GOLGA4: variants seen among roughly 807,000 people sequenced by gnomAD.
GOLGA4 encodes golgin A4, also known as golgin subfamily A member 4.
A neutral mutation model predicts 265.9 loss-of-function variants in GOLGA4; 169 were observed. The observed-to-expected ratio is 0.64, with a 90% CI of 0.56 to 0.72. GOLGA4 has a LOEUF of 0.72. Ranked by LOEUF, GOLGA4 falls within the 30% of genes least tolerant of loss-of-function variation. The probability of loss-of-function intolerance (pLI) is 0.00; values close to 1 mark genes in which losing one functional copy is unlikely to be tolerated. For synonymous variants in GOLGA4, 923 were observed against 855.8 expected (o/e 1.08, Z -1.37); for missense variants, 2,482 against 2,483.4 (o/e 1.00, Z 0.01).
chr3:37,324,771 A>G lies in GOLGA4; in HGVS notation c.2885A>G (p.Lys962Arg). Residue 962 changes from lysine (K) to arginine (R), a missense_variant, in exon 14 of 24, where the codon AAA becomes AGA. Physicochemically the swap from Lys to Arg is conservative, Grantham distance 26 (BLOSUM62 2). Coordinates refer to ENST00000361924, the MANE Select transcript of GOLGA4 (RefSeq NM_002078.5). ...AAAAAGATGGAAAAAGTTAAGCAGA[A>G]AGCAAAGGAGATGCAAGAAACGTTA... ...QEKKMEKVKQ[K>R]AKEMQETLKK... 1 of 1,586,882 alleles carries G rather than the reference A, an allele frequency of 6.3e-7. No individual in the cohort carries two copies. Among genetic ancestry groups the G allele is most frequent in the Non-Finnish European group, 8.5e-7 (1 of 1,173,478 alleles).
chr3:37,338,206 T>C (rs1001138853), intron 19 of GOLGA4, among the ~76,000 whole-genome samples: 5 of 152,306 alleles, frequency 3.3e-5, no homozygotes, highest in African/African-American at 9.6e-5. Context: ...ATATGATCTT[T>C]AGTAAAGTCT....
chr3:37,361,516 T>C (rs1425478972), intron 23 of GOLGA4, among the ~76,000 whole-genome samples: 1 of 152,222 alleles, frequency 6.6e-6, no homozygotes, highest in African/African-American at 2.4e-5. Context: ...TTTAGGAAAT[T>C]TCATTTCTTT....
At chr3:37,252,719 C>CT (rs1338311976) in intron 2 of GOLGA4, among the ~76,000 whole-genome samples, 2 of 152,130 alleles carry the variant, frequency 1.3e-5, no homozygotes, top group Non-Finnish European at 2.9e-5. Flanking sequence ...TTTACATTCT[C>CT]TGATAACTAA....
chr3:37,265,974 C>T (rs531739619), intron 2 of GOLGA4, among the ~76,000 whole-genome samples: 10 of 146,034 alleles, frequency 6.8e-5, no homozygotes, highest in South Asian at 2.2e-4. Context: ...TACAGTGATC[C>T]GAGATTGCAT....
At position 37,298,996 on chromosome 3, in the gene GOLGA4, A is replaced by G. The variant is rs754310785; in HGVS notation, c.978A>G (p.Arg326=). The stretch of plus-strand genomic sequence containing the variant: ...CTCTGCAAGAACAACTGGATGAAAG[A>G]CTTCAAGAACTAGAAAAGATAAAGG... The part of the protein sequence containing the change: ...KEALQEQLDE[R]LQELEKIKDL... The change falls in exon 8 of 24, where the codon AGA becomes AGG. Residue 326 remains arginine, a synonymous_variant. Transcript: ENST00000361924. 6.3e-7 allele frequency: 1 copy of G among 1,592,536 alleles called. No homozygotes were observed. The highest frequency in any genetic ancestry group is 8.5e-7 in the Non-Finnish European group (1 of 1,174,354).
intron 5 of GOLGA4, among the ~76,000 whole-genome samples, chr3:37,290,778 G>A (rs769400470): frequency 7.9e-5 from 12 of 152,252 alleles, no homozygotes; most frequent in East Asian, 3.9e-4. Context: ...GGGATTAGGC[G>A]TATGCAACAA....
intron 23 of GOLGA4, among the ~76,000 whole-genome samples, 188 bp from the exon 24 acceptor site, chr3:37,365,892 C>G (rs371150041): frequency 6.6e-6 from 1 of 151,426 alleles, no homozygotes; most frequent in Admixed American, 6.6e-5. Context: ...CTTGGCCTCT[C>G]AAAGTGCTGG....
At chr3:37,336,004 G>A (rs149724727) in intron 17 of GOLGA4, among the ~76,000 whole-genome samples, 9 of 152,244 alleles carry the variant, frequency 5.9e-5, no homozygotes, top group African/African-American at 1.7e-4. Flanking sequence ...GAGAGGATTC[G>A]TTACAGAATG....
rs886325921 is a variant in GOLGA4, at chr3:37,326,385, G to A, written c.4499G>A (p.Gly1500Asp). 1.2e-6 allele frequency: 2 copies of A among 1,613,442 alleles called. No individual in the cohort carries two copies. The highest frequency in any genetic ancestry group is 2.7e-5 in the African/African-American group (2 of 74,886). The change falls in exon 14 of 24, where the codon GGT becomes GAT. Residue 1500 changes from glycine (G) to aspartate (D), a missense_variant. Transcript: ENST00000361924. ...QQNKRFDCLK[G>D]EMEDDKSKME... is the part of the protein sequence containing the mutation. Reference sequence around the variant, plus strand: ...AATAAAAGATTTGATTGTTTAAAGGGTGAAATGGAAGACGACAAGAGCAAG... The same window carrying A: ...AATAAAAGATTTGATTGTTTAAAGGATGAAATGGAAGACGACAAGAGCAAG...
intron 2 of GOLGA4, among the ~76,000 whole-genome samples, chr3:37,273,872 T>C (rs560526045): frequency 2.0e-5 from 3 of 152,290 alleles, no homozygotes; most frequent in East Asian, 1.9e-4. Flanking sequence ...GAGGCTGAGG[T>C]GGGCGGATCG....
chr3:37,280,928 TTC>T (rs2096833074), intron 2 of GOLGA4, among the ~76,000 whole-genome samples: 1 of 152,152 alleles, frequency 6.6e-6, no homozygotes, highest in African/African-American at 2.4e-5. Flanking sequence ...AGCAAAACAT[TTC>T]TGTTTTGATT....
chr3:37,245,255 C>T (rs1416376880), intron 1 of GOLGA4: 3 of 152,612 alleles, frequency 2.0e-5, no homozygotes, highest in African/African-American at 7.2e-5. Flanking sequence ...ATTATTTAAT[C>T]TCACATAAAC....
chr3:37,292,159 T>G (rs542581011), intron 5 of GOLGA4, among the ~76,000 whole-genome samples: 7 of 152,150 alleles, frequency 4.6e-5, no homozygotes, highest in Non-Finnish European at 1.0e-4. Context: ...CGAGGAGTGT[T>G]TTTTGGTTTG....
At chr3:37,275,471 T>C (rs2096813975) in intron 2 of GOLGA4, among the ~76,000 whole-genome samples, 1 of 152,058 alleles carries the variant, frequency 6.6e-6, no homozygotes, top group African/African-American at 2.4e-5. Flanking sequence ...GGGTAAAATA[T>C]TGGGAGGCAT....
chr3:37,324,946 A>C lies in GOLGA4; in HGVS notation c.3060A>C (p.Arg1020Ser), dbSNP rs1410093424. The C allele has an allele frequency of 6.2e-7, 1 of 1,613,452 alleles. No individual in the cohort carries two copies. Among genetic ancestry groups the C allele is most frequent in the African/African-American group, 1.3e-5 (1 of 74,898 alleles). Reference sequence around the variant, plus strand: ...CTGGAATCAGTGATGCAGTGTCAAGACTGGAAACAAACCAAAAAGAACAAA... The same window carrying C: ...CTGGAATCAGTGATGCAGTGTCAAGCCTGGAAACAAACCAAAAAGAACAAA... ...NSAGISDAVS[R>S]LETNQKEQIE... is the part of the protein sequence containing the mutation. Residue 1020 changes from arginine to serine, a missense_variant, in exon 14 of 24, where the codon AGA (arginine) becomes AGC (serine). Physicochemically the swap from Arg to Ser is moderately radical, Grantham distance 110. Around this residue, in one of 3 missense-constraint regions of GOLGA4, gnomAD observed 1,536 missense variants for 1,483.7 expected, o/e 1.04. Transcript: ENST00000361924.
At position 37,243,282 on chromosome 3, in the gene GOLGA4, T is replaced by C. The variant is rs1034030466; in HGVS notation, c.-269T>C. 1.9e-6 allele frequency: 1 copy of C among 530,830 alleles called. No individual in the cohort carries two copies. Among genetic ancestry groups the C allele is most frequent in the African/African-American group, 2.0e-5 (1 of 50,634 alleles). The allele number at this position is 530,830 out of a possible 1,614,324, so 32.9% of individuals were successfully genotyped here. The stretch of plus-strand genomic sequence containing the variant: ...CGCCCTTGGCGCACAGTTCACCTGC[T>C]GCCGTTGTCGTCGCCGCCGCGGCTC... On this transcript the variant is annotated 5_prime_UTR_variant, in exon 1 of 24. Coordinates refer to ENST00000361924, the MANE Select transcript of GOLGA4 (RefSeq NM_002078.5).
intron 2 of GOLGA4, chr3:37,266,873 TTC>T (rs2096785167): frequency 7.8e-7 from 1 of 1,288,084 alleles, no homozygotes; most frequent in Admixed American, 2.3e-5. Flanking sequence ...GAGCCTGCTT[TTC>T]TCTCTGAGTA....
Position 37,319,187 on chromosome 3 carries a change from T to C in GOLGA4, c.1538T>C (p.Val513Ala), listed in dbSNP as rs2096947212. ...AGGGAATTTCAGGAACAAATGAAAGTAGCTCTTGTAAGTGACTATTTTTTT... is the reference window on the plus strand; with the variant it reads ...AGGGAATTTCAGGAACAAATGAAAGCAGCTCTTGTAAGTGACTATTTTTTT... ...REREFQEQMKVALEKSQSEYL... is the reference protein window; with the variant it reads ...REREFQEQMKAALEKSQSEYL... The change falls in exon 12 of 24, where the codon GTA (valine) becomes GCA (alanine). Residue 513 changes from valine (V) to alanine (A), a missense_variant. Val to Ala is a moderately conservative substitution (Grantham distance 64, BLOSUM62 0). This residue lies in a region of GOLGA4 where 1,536 missense variants were observed against 1,483.7 expected (regional missense o/e 1.04). Coordinates refer to ENST00000361924, the MANE Select transcript of GOLGA4 (RefSeq NM_002078.5). 3.7e-6 allele frequency: 6 copies of C among 1,603,996 alleles called. No homozygotes were observed. The highest frequency in any genetic ancestry group is 5.1e-6 in the Non-Finnish European group (6 of 1,176,136).
intron 1 of GOLGA4, among the ~76,000 whole-genome samples, chr3:37,248,410 G>C (rs1381208352): frequency 2.6e-5 from 4 of 152,226 alleles, no homozygotes; most frequent in African/African-American, 9.6e-5. Context: ...AGCTGACTCA[G>C]ATTTCTTATG....
Sources: gnomAD v4.1 joint callset for allele counts (sites outside exome capture counted in the v4.1 genomes callset) on GRCh38, gnomAD v4.1.1 for gene constraint, gnomAD v4.1.1 regional missense constraint, MANE v1.5 for transcripts, NCBI Gene and HGNC (gene_info 2026-07-23, HGNC 2026-07-21) for gene names.